LMBR1: variants seen among roughly 807,000 people sequenced by gnomAD.
The protein encoded by LMBR1 is limb development membrane protein 1.
In LMBR1, 52 loss-of-function variants were observed where a neutral mutation model predicts 73.9. The ratio of observed to expected loss-of-function variants is 0.70; its 90% confidence interval spans 0.56 to 0.89. The LOEUF is 0.89. Ranked by LOEUF, LMBR1 falls within the 40% of genes least tolerant of loss-of-function variation. LMBR1 has a pLI of 0.00. For missense variants in LMBR1, 539 were observed against 579.8 expected (o/e 0.93, Z 0.72); for synonymous variants, 215 against 209.4 (o/e 1.03, Z -0.23).
At chr7:156,773,876 TCTG>T (rs59767698) in intron 5 of LMBR1, among the ~76,000 whole-genome samples, 8,863 of 152,064 alleles carry the variant, frequency 0.058, 344 homozygotes, top group East Asian at 0.15. Context: ...CTAAACAGCT[TCTG>T]CACAGCAAGA....
At chr7:156,890,798 A>G (rs994757976) in intron 1 of LMBR1, among the ~76,000 whole-genome samples, 1 of 152,212 alleles carries the variant, frequency 6.6e-6, no homozygotes, top group Non-Finnish European at 1.5e-5. Context: ...AGTATCTACT[A>G]AAGATGAACA....
At chr7:156,736,368 C>CAGT (rs10640672) in intron 9 of LMBR1, 230,306 of 328,394 alleles carry the variant, frequency 0.7, 82,369 homozygotes, top group African/African-American at 0.9. Context: ...AGCTTGCATT[C>CAGT]ATTATTTAGT....
At chr7:156,757,557 G>A (rs1822132309) in intron 8 of LMBR1, among the ~76,000 whole-genome samples, 1 of 152,218 alleles carries the variant, frequency 6.6e-6, no homozygotes, top group South Asian at 2.1e-4. Flanking sequence ...CCTTCTGAGA[G>A]GATCCTTATT....
At chr7:156,780,231 T>C (rs1356765937) in intron 5 of LMBR1, among the ~76,000 whole-genome samples, 1 of 152,266 alleles carries the variant, frequency 6.6e-6, no homozygotes, top group South Asian at 2.1e-4. Flanking sequence ...CTATACAAGA[T>C]GAAAAAATTA....
chr7:156,698,867 T>C (rs1585242634), intron 15 of LMBR1, among the ~76,000 whole-genome samples: 1 of 152,212 alleles, frequency 6.6e-6, no homozygotes, highest in Non-Finnish European at 1.5e-5. Context: ...CTGGCTTGAA[T>C]TTCTCCTTAG....
chr7:156,685,306 C>T lies in LMBR1; in HGVS notation c.1388-1143G>A, dbSNP rs1805768382. 6.6e-6 allele frequency among the ~76,000 whole-genome samples: 1 copy of T among 152,186 alleles called. No homozygotes were observed. The highest frequency in any genetic ancestry group is 6.5e-5 in the Admixed American group (1 of 15,278). On this transcript the variant is annotated intron_variant, in intron 16 of 16. Transcript: ENST00000353442. The surrounding 1 kb of genome is among the most constrained non-coding windows in gnomAD (Gnocchi z 4.1). ...GCTTCTGTGGCACTGGAGCGTCAAG[C>T]ACTTTAATAAAAATGAAACACAATG...
At chr7:156,745,179 C>G (rs1303446549) in intron 9 of LMBR1, among the ~76,000 whole-genome samples, 2 of 152,090 alleles carry the variant, frequency 1.3e-5, no homozygotes, top group Non-Finnish European at 2.9e-5. Flanking sequence ...GTCTATTAAG[C>G]TTTTTATTTT....
chr7:156,826,049 G>A (rs957179244), intron 4 of LMBR1, among the ~76,000 whole-genome samples: 5 of 152,156 alleles, frequency 3.3e-5, no homozygotes, highest in African/African-American at 9.7e-5. Flanking sequence ...GTGCGATCAC[G>A]GCTCACTGCA....
chr7:156,767,238 A>AC (rs1824264348), intron 5 of LMBR1, among the ~76,000 whole-genome samples: 1 of 152,170 alleles, frequency 6.6e-6, no homozygotes, highest in South Asian at 2.1e-4. Flanking sequence ...TCTGCTGAGT[A>AC]CAGGAGCCCA....
chr7:156,832,382 T>C (rs1297328981), intron 3 of LMBR1, among the ~76,000 whole-genome samples: 1 of 152,200 alleles, frequency 6.6e-6, no homozygotes, highest in East Asian at 1.9e-4. Flanking sequence ...TGTAGTTCAT[T>C]CACAATGTTG....
At chr7:156,753,644 T>A (rs758346995) in intron 9 of LMBR1, among the ~76,000 whole-genome samples, 1 of 152,182 alleles carries the variant, frequency 6.6e-6, no homozygotes, top group Non-Finnish European at 1.5e-5. Flanking sequence ...AACCTGGATG[T>A]TCTGGGCTCC....
intron 9 of LMBR1, among the ~76,000 whole-genome samples, chr7:156,736,231 G>GT (rs1305428452): frequency 1.3e-5 from 2 of 152,068 alleles, no homozygotes; most frequent in Non-Finnish European, 2.9e-5. Context: ...TCCAAATCAG[G>GT]TACTTTACTA....
intron 15 of LMBR1, among the ~76,000 whole-genome samples, chr7:156,698,901 G>A (rs1194396770): frequency 1.3e-5 from 2 of 152,286 alleles, no homozygotes; most frequent in East Asian, 3.9e-4. Context: ...CTTTTCTATT[G>A]CATTGTCAGG....
At chr7:156,810,333 G>A (rs1832877316) in intron 4 of LMBR1, among the ~76,000 whole-genome samples, 1 of 152,080 alleles carries the variant, frequency 6.6e-6, no homozygotes, top group Admixed American at 6.6e-5. Flanking sequence ...TATTCTTGGG[G>A]GATCTGCCCC....
chr7:156,798,281 T>G (rs1585859472), intron 4 of LMBR1, among the ~76,000 whole-genome samples: 1 of 152,316 alleles, frequency 6.6e-6, no homozygotes, highest in Middle Eastern at 3.4e-3. Flanking sequence ...AATTTTTGCT[T>G]TTAAGTTACA....
At chr7:156,811,413 C>G (rs925680516) in intron 4 of LMBR1, among the ~76,000 whole-genome samples, 2 of 151,686 alleles carry the variant, frequency 1.3e-5, no homozygotes, top group African/African-American at 4.8e-5. Flanking sequence ...AGATCAAAAC[C>G]ATCCTGGCCA....
intron 10 of LMBR1, among the ~76,000 whole-genome samples, chr7:156,730,671 G>A (rs1585422455): frequency 6.6e-6 from 1 of 152,342 alleles, no homozygotes; most frequent in Non-Finnish European, 1.5e-5. Context: ...AGGCACGGTG[G>A]CTCACGCCTG....
At chr7:156,799,152 A>T (rs1188491273) in intron 4 of LMBR1, among the ~76,000 whole-genome samples, 1 of 151,764 alleles carries the variant, frequency 6.6e-6, no homozygotes, top group African/African-American at 2.4e-5. Context: ...CAGTGAGCCG[A>T]GATTGCACCA....
intron 1 of LMBR1, among the ~76,000 whole-genome samples, chr7:156,890,429 T>C (rs1802696344): frequency 6.6e-6 from 1 of 152,226 alleles, no homozygotes; most frequent in Non-Finnish European, 1.5e-5. Flanking sequence ...AGTATATATT[T>C]CTGACAAAGA....
Sources: gnomAD v4.1 joint callset for allele counts (sites outside exome capture counted in the v4.1 genomes callset) on GRCh38, gnomAD v4.1.1 for gene constraint, Gnocchi (gnomAD v3.1) non-coding constraint, MANE v1.5 for transcripts, NCBI Gene and HGNC (gene_info 2026-07-23, HGNC 2026-07-21) for gene names.